The following UBR3 variants were observed in gnomAD, a reference collection of about 807,000 sequenced individuals.
The protein encoded by UBR3 is ubiquitin protein ligase E3 component n-recognin 3.
In UBR3, 85 loss-of-function variants were observed where a neutral mutation model predicts 243.2. The ratio of observed to expected loss-of-function variants is 0.35; its 90% confidence interval spans 0.29 to 0.42. UBR3 has a LOEUF of 0.42. UBR3 is among the 10% of genes least tolerant of loss of function. The pLI, the probability that UBR3 is intolerant of heterozygous loss-of-function variation, is 1.00. For missense variants in UBR3, 1,686 were observed against 2,300.8 expected (o/e 0.73, Z 5.47); for synonymous variants, 748 against 799.8 (o/e 0.94, Z 1.09).
chr2:169,904,102 T>C (rs2084926894), intron 8 of UBR3, among the ~76,000 whole-genome samples: 1 of 152,228 alleles, frequency 6.6e-6, no homozygotes, highest in South Asian at 2.1e-4. Flanking sequence ...TAGGCTTTTA[T>C]GATTTTTCTG....
rs559984720 is a variant in UBR3, at chr2:170,074,282, A to G, written c.5199+675A>G. ...TGATTGTAAAACTTGGAAAGTAACT[A>G]ATGTAAGAGACATTTGAGAAAAATA... is the stretch of plus-strand genomic sequence containing the variant. On this transcript the variant is annotated intron_variant, in intron 36 of 38. Transcript: ENST00000272793. 1.1e-4 allele frequency among the ~76,000 whole-genome samples: 16 copies of G among 152,326 alleles called. No individual in the cohort carries two copies. The South Asian group carries it at 3.3e-3, about 32-fold the overall frequency.
intron 31 of UBR3, among the ~76,000 whole-genome samples, chr2:170,035,459 G>A (rs1268780240): frequency 6.6e-6 from 1 of 151,888 alleles, no homozygotes; most frequent in African/African-American, 2.4e-5. Context: ...CTTTGTTAAA[G>A]TCAGTTGACT....
intron 1 of UBR3, among the ~76,000 whole-genome samples, chr2:169,844,488 CTCTCTTT>C (rs1559010875): frequency 4.4e-5 from 5 of 112,798 alleles, no homozygotes; most frequent in Admixed American, 2.6e-4. Context: ...GTGAAACCCT[CTCTCTTT>C]TTTTTTTTTT....
At chr2:169,932,523 C>G (rs894224911) in intron 18 of UBR3, among the ~76,000 whole-genome samples, 4 of 152,162 alleles carry the variant, frequency 2.6e-5, no homozygotes, top group African/African-American at 9.7e-5. Flanking sequence ...CTAAGCCTCC[C>G]AAGTAGTTGG....
At chr2:169,899,669 C>T (rs527813249) in intron 8 of UBR3, among the ~76,000 whole-genome samples, 77 of 151,936 alleles carry the variant, frequency 5.1e-4, no homozygotes, top group African/African-American at 1.7e-3. Flanking sequence ...GCCCCTTGCC[C>T]GGCCTGGTGT....
chr2:170,001,214 T>C, intron 26 of UBR3, 90 bp from the exon 27 acceptor site: 1 of 867,504 alleles, frequency 1.2e-6, no homozygotes, highest in South Asian at 1.7e-5. Context: ...AAATAGGAAA[T>C]CATGCAGAGG....
intron 36 of UBR3, chr2:170,077,129 C>T (rs941155578): frequency 2.0e-6 from 1 of 489,054 alleles, no homozygotes; most frequent in African/African-American, 2.0e-5. Flanking sequence ...TGATTGCAGA[C>T]ATGTAAGGCT....
At position 169,961,284 on chromosome 2, in the gene UBR3, C is replaced by A. The variant is rs576847959; in HGVS notation, c.3634+2758C>A. Among the ~76,000 whole-genome samples the A allele has an allele frequency of 4.0e-5, 6 of 151,734 alleles. 1 individual carries two copies. The highest frequency in any genetic ancestry group is 1.5e-4 in the African/African-American group (6 of 41,162). On this transcript the variant is annotated intron_variant, in intron 24 of 38. Coordinates refer to ENST00000272793, the MANE Select transcript of UBR3 (RefSeq NM_172070.4). ...TTGGGATTGATAATAGAGATTCTTACATATTAACGTCATCTTTTTAAAAAA... is the reference window on the plus strand; with the variant it reads ...TTGGGATTGATAATAGAGATTCTTAAATATTAACGTCATCTTTTTAAAAAA...
chr2:169,981,600 G>A (rs1318675218), intron 24 of UBR3, among the ~76,000 whole-genome samples: 1 of 151,898 alleles, frequency 6.6e-6, no homozygotes, highest in East Asian at 1.9e-4. Context: ...AATGTAATGT[G>A]GTATCCTGGG....
intron 27 of UBR3, among the ~76,000 whole-genome samples, chr2:170,005,263 G>C (rs11896247): frequency 1.3e-5 from 2 of 152,068 alleles, no homozygotes; most frequent in African/African-American, 4.8e-5. Flanking sequence ...ACCACTTTGG[G>C]ATTGGATGAG....
chr2:169,986,731 C>G lies in UBR3; in HGVS notation c.3721C>G (p.Gln1241Glu). The change falls in exon 25 of 39, where the codon CAG becomes GAG. Residue 1241 changes from glutamine to glutamate, a missense_variant. By Grantham distance (29) the Gln-to-Glu change is conservative. Coordinates refer to ENST00000272793, the MANE Select transcript of UBR3 (RefSeq NM_172070.4). Reference sequence around the variant, plus strand: ...AGTATATGACTGTGTTATTTGTGGACAGAGTGGCCCCTCCTCTGAAGATCG... The same window carrying G: ...AGTATATGACTGTGTTATTTGTGGAGAGAGTGGCCCCTCCTCTGAAGATCG... ...EAVYDCVICG[Q>E]SGPSSEDRPT... 6.2e-7 allele frequency: 1 copy of G among 1,614,078 alleles called. No individual in the cohort carries two copies. Among genetic ancestry groups the G allele is most frequent in the Non-Finnish European group, 8.5e-7 (1 of 1,179,990 alleles).
intron 1 of UBR3, among the ~76,000 whole-genome samples, chr2:169,855,970 C>T (rs1338842866): frequency 1.3e-5 from 2 of 148,948 alleles, no homozygotes; most frequent in Non-Finnish European, 3.0e-5. Flanking sequence ...GCTGGCCGGG[C>T]GGGGGCTGCC....
At chr2:169,922,391 A>G (rs1484779713) in intron 11 of UBR3, among the ~76,000 whole-genome samples, 1 of 152,030 alleles carries the variant, frequency 6.6e-6, no homozygotes, top group East Asian at 1.9e-4. Flanking sequence ...AGAATATGTT[A>G]CTAAGGCGAT....
At chr2:169,867,357 C>T (rs142182620) in intron 1 of UBR3, among the ~76,000 whole-genome samples, 9 of 152,088 alleles carry the variant, frequency 5.9e-5, no homozygotes, top group Non-Finnish European at 8.8e-5. Flanking sequence ...TACTTCAGTG[C>T]TTATTGATCT....
At chr2:169,896,281 C>A (rs568800219) in intron 7 of UBR3, among the ~76,000 whole-genome samples, 1 of 151,488 alleles carries the variant, frequency 6.6e-6, no homozygotes, top group Non-Finnish European at 1.5e-5. Context: ...AGCAAGACTC[C>A]GTTTTGGGGG....
intron 31 of UBR3, among the ~76,000 whole-genome samples, chr2:170,033,225 T>C (rs955842655): frequency 5.9e-5 from 9 of 152,102 alleles, no homozygotes; most frequent in African/African-American, 1.9e-4. Context: ...GATTTTGTTC[T>C]TTTCAAGCCC....
intron 24 of UBR3, among the ~76,000 whole-genome samples, chr2:169,984,035 A>C (rs575199331): frequency 6.6e-6 from 1 of 152,146 alleles, no homozygotes; most frequent in Admixed American, 6.5e-5. Flanking sequence ...CTATTACTCT[A>C]TCAGTTTTGC....
intron 1 of UBR3, among the ~76,000 whole-genome samples, chr2:169,845,860 A>T (rs1428058257): frequency 6.6e-6 from 1 of 152,198 alleles, no homozygotes; most frequent in Non-Finnish European, 1.5e-5. Context: ...CTAGGAGTAC[A>T]GGTGTGAGCT....
At chr2:169,838,245 T>G (rs1171863505) in intron 1 of UBR3, among the ~76,000 whole-genome samples, 1 of 152,236 alleles carries the variant, frequency 6.6e-6, no homozygotes, top group Non-Finnish European at 1.5e-5. Context: ...AGTTTAATCA[T>G]TCAATGGAAT....
Sources: gnomAD v4.1 joint callset for allele counts (sites outside exome capture counted in the v4.1 genomes callset) on GRCh38, gnomAD v4.1.1 for gene constraint, MANE v1.5 for transcripts, NCBI Gene and HGNC (gene_info 2026-07-23, HGNC 2026-07-21) for gene names.